Variants in ADAMTS20 observed in about 807,000 individuals in gnomAD.
The protein encoded by ADAMTS20 is ADAM metallopeptidase with thrombospondin type 1 motif 20, also known as A disintegrin and metalloproteinase with thrombospondin motifs 20.
Under a neutral mutation model 260.1 loss-of-function variants are expected in ADAMTS20, and 225 were observed. That is an observed-to-expected ratio of 0.87 (90% confidence interval 0.78 to 0.97). The LOEUF is 0.97. Ranked by LOEUF, ADAMTS20 falls within the 50% of genes least tolerant of loss-of-function variation. The pLI, the probability that ADAMTS20 is intolerant of heterozygous loss-of-function variation, is 0.00. For missense variants in ADAMTS20, 2,400 were observed against 2,337.7 expected (o/e 1.03, Z -0.55); for synonymous variants, 802 against 769.5 (o/e 1.04, Z -0.70).
At chr12:43,405,283 T>C (rs1296211290) in intron 28 of ADAMTS20, among the ~76,000 whole-genome samples, 2 of 132,672 alleles carry the variant, frequency 1.5e-5, no homozygotes, top group Non-Finnish European at 3.1e-5. Context: ...ATGGTGATGG[T>C]GATGCACATC....
Position 43,452,316 on chromosome 12 carries a change from A to G in ADAMTS20, c.2037T>C (p.Cys679=). Residue 679 remains cysteine, a synonymous_variant, in exon 14 of 39, where the codon TGT becomes TGC. Transcript: ENST00000389420. ...CACAGATGTCATGAGTTTCAGTTCC[A>G]CAAGGAGTACCATCTTCAACCATAT... ...LKDMVEDGTP[C]GTETHDICVQ... is the part of the protein sequence containing the mutation. The G allele has an allele frequency of 6.2e-7, 1 of 1,613,248 alleles. No individual in the cohort carries two copies. Among genetic ancestry groups the G allele is most frequent in the Non-Finnish European group, 8.5e-7 (1 of 1,179,520 alleles).
chr12:43,452,471 T>A lies in ADAMTS20; in HGVS notation c.1942+43A>T, dbSNP rs778287207. On this transcript the variant is annotated intron_variant, in intron 13 of 38. Coordinates refer to ENST00000389420, the MANE Select transcript of ADAMTS20 (RefSeq NM_025003.5). ...AATAATAAAGCTATGTGTTCTTACG[T>A]CTCAGAAAAATTTACATCAAAGAAC... 4 of 1,602,432 alleles carry A rather than the reference T, an allele frequency of 2.5e-6. No individual in the cohort carries two copies. The East Asian group carries it at 8.9e-5, about 36-fold the overall frequency.
At chr12:43,528,472 C>A (rs1179686933) in intron 3 of ADAMTS20, among the ~76,000 whole-genome samples, 1 of 150,532 alleles carries the variant, frequency 6.6e-6, no homozygotes, top group Non-Finnish European at 1.5e-5. Flanking sequence ...GGCACATAGA[C>A]CAATGGAACA....
Position 43,362,038 on chromosome 12 carries a change from T to C in ADAMTS20, c.5539-5450A>G, listed in dbSNP as rs74546607. On this transcript the variant is annotated intron_variant, in intron 37 of 38. Coordinates refer to ENST00000389420, the MANE Select transcript of ADAMTS20 (RefSeq NM_025003.5). ...CTTGTATTAGCAGACTAGGTTGCAT[T>C]GTCAATTTACTTATCTCTAATTACA... Among the ~76,000 whole-genome samples the C allele has an allele frequency of 4.9e-3, 740 of 152,314 alleles. 4 individuals are homozygous for C. Among genetic ancestry groups the C allele is most frequent in the African/African-American group, 0.017 (693 of 41,574 alleles).
intron 28 of ADAMTS20, among the ~76,000 whole-genome samples, chr12:43,400,670 T>G (rs1940792776): frequency 6.6e-6 from 1 of 151,940 alleles, no homozygotes; most frequent in Non-Finnish European, 1.5e-5. Flanking sequence ...GCCTCTTTCT[T>G]TTCTTCATTG....
At chr12:43,499,885 A>G (rs184118944) in intron 4 of ADAMTS20, among the ~76,000 whole-genome samples, 2 of 152,246 alleles carry the variant, frequency 1.3e-5, no homozygotes, top group African/African-American at 4.8e-5. Context: ...AACTATTCCA[A>G]AATTGGTCCT....
chr12:43,413,080 A>T (rs1040487504), intron 28 of ADAMTS20, among the ~76,000 whole-genome samples: 1 of 152,136 alleles, frequency 6.6e-6, no homozygotes, highest in African/African-American at 2.4e-5. Flanking sequence ...AAGTGCCGGG[A>T]TTACAGGCAT....
At chr12:43,543,867 G>A (rs558578831) in intron 2 of ADAMTS20, among the ~76,000 whole-genome samples, 1 of 152,262 alleles carries the variant, frequency 6.6e-6, no homozygotes, top group Non-Finnish European at 1.5e-5. Flanking sequence ...TTTGGGCTGA[G>A]AAAGTCAAGA....
At chr12:43,526,415 G>A (rs1943143955) in intron 3 of ADAMTS20, among the ~76,000 whole-genome samples, 1 of 152,044 alleles carries the variant, frequency 6.6e-6, no homozygotes, top group Admixed American at 6.5e-5. Flanking sequence ...CCGAGATCGT[G>A]CCACTGCACT....
chr12:43,498,347 G>A (rs1942706193), intron 4 of ADAMTS20, among the ~76,000 whole-genome samples: 1 of 152,210 alleles, frequency 6.6e-6, no homozygotes, highest in African/African-American at 2.4e-5. Flanking sequence ...TTTACTTCGT[G>A]CAGGATGAGT....
At chr12:43,404,324 G>C (rs1696172343) in intron 28 of ADAMTS20, among the ~76,000 whole-genome samples, 1 of 151,834 alleles carries the variant, frequency 6.6e-6, no homozygotes, top group Non-Finnish European at 1.5e-5. Flanking sequence ...TGAACCACAG[G>C]ATCTTGCATC....
At chr12:43,481,663 C>T (rs1942443742) in intron 7 of ADAMTS20, among the ~76,000 whole-genome samples, 1 of 152,184 alleles carries the variant, frequency 6.6e-6, no homozygotes, top group South Asian at 2.1e-4. Flanking sequence ...TAATCTGTTG[C>T]ATTTCTATGG....
chr12:43,520,800 C>T (rs1368386298), intron 3 of ADAMTS20, among the ~76,000 whole-genome samples: 1 of 152,210 alleles, frequency 6.6e-6, no homozygotes, highest in Admixed American at 6.5e-5. Flanking sequence ...TAATTAATGG[C>T]ACCTTCTTCT....
At chr12:43,397,863 GA>G (rs753190507) in intron 29 of ADAMTS20, among the ~76,000 whole-genome samples, 1 of 152,128 alleles carries the variant, frequency 6.6e-6, no homozygotes, top group Non-Finnish European at 1.5e-5. Flanking sequence ...CTTCTACAAA[GA>G]AATTTGAGAT....
At chr12:43,537,433 C>A (rs1204185249) in intron 2 of ADAMTS20, among the ~76,000 whole-genome samples, 1 of 152,042 alleles carries the variant, frequency 6.6e-6, no homozygotes, top group East Asian at 1.9e-4. Context: ...GTGATACAGG[C>A]ATACAATGTG....
Position 43,434,489 on chromosome 12 carries a change from A to G in ADAMTS20, c.2594-118T>C, listed in dbSNP as rs548048795. The G allele has an allele frequency of 2.5e-5, 25 of 986,044 alleles. No homozygotes were observed. In the East Asian group the frequency reaches 5.3e-4, roughly 21 times the overall value. 61.1% of individuals were successfully genotyped at this position (986,044 alleles called of 1,614,324 possible). ...CCAGCTAAGCAAGTAAAAATTTCCA[A>G]TGCAACATACAGGATATACTAGTAT... On this transcript the variant is annotated intron_variant, in intron 18 of 38. Transcript: ENST00000389420.
intron 37 of ADAMTS20, among the ~76,000 whole-genome samples, chr12:43,361,424 A>G (rs1287834389): frequency 6.6e-6 from 1 of 152,256 alleles, no homozygotes; most frequent in Non-Finnish European, 1.5e-5. Context: ...GCATGTGTCT[A>G]TGCCCAATAA....
intron 6 of ADAMTS20, 99 bp from the exon 7 acceptor site, chr12:43,490,534 C>A: frequency 1.9e-6 from 1 of 538,318 alleles, no homozygotes; most frequent in Non-Finnish European, 3.2e-6. Context: ...TGACTACTAC[C>A]ACAAACTAAC....
chr12:43,477,799 G>A (rs541434395), intron 7 of ADAMTS20, among the ~76,000 whole-genome samples: 6 of 152,094 alleles, frequency 3.9e-5, no homozygotes, highest in Non-Finnish European at 7.4e-5. Flanking sequence ...AAAGTAATAT[G>A]GTCCAAAGAG....
Sources: gnomAD v4.1 joint callset for allele counts (sites outside exome capture counted in the v4.1 genomes callset) on GRCh38, gnomAD v4.1.1 for gene constraint, MANE v1.5 for transcripts, NCBI Gene and HGNC (gene_info 2026-07-23, HGNC 2026-07-21) for gene names.